Variants in CATSPERB observed in about 807,000 individuals in gnomAD.
The protein encoded by CATSPERB is cation channel sperm-associated auxiliary subunit beta.
A neutral mutation model predicts 128.3 loss-of-function variants in CATSPERB; 93 were observed. The observed-to-expected ratio is 0.72, with a 90% CI of 0.61 to 0.86. CATSPERB has a LOEUF of 0.86. Ranked by LOEUF, CATSPERB falls within the 40% of genes least tolerant of loss-of-function variation. The probability of loss-of-function intolerance (pLI) is 0.00; values close to 1 mark genes in which losing one functional copy is unlikely to be tolerated. For missense variants in CATSPERB, 1,153 were observed against 1,329.5 expected, an observed-to-expected ratio of 0.87 and a Z score of 2.06; for synonymous variants, 381 against 448.8, an observed-to-expected ratio of 0.85 and a Z score of 1.91.
At chr14:91,625,280 T>C (rs1042829959) in intron 17 of CATSPERB, among the ~76,000 whole-genome samples, 2 of 152,150 alleles carry the variant, frequency 1.3e-5, no homozygotes, top group African/African-American at 4.8e-5. Flanking sequence ...ACTGATGGGA[T>C]TGTAAATTAG....
intron 14 of CATSPERB, among the ~76,000 whole-genome samples, chr14:91,664,133 C>T (rs879537707): frequency 2.6e-5 from 4 of 152,096 alleles, no homozygotes; most frequent in Non-Finnish European, 2.9e-5. Flanking sequence ...CTGGCAACCA[C>T]GGATCTTCTT....
chr14:91,648,918 G>T (rs1377294269), intron 15 of CATSPERB, among the ~76,000 whole-genome samples: 1 of 151,150 alleles, frequency 6.6e-6, no homozygotes, highest in East Asian at 1.9e-4. Flanking sequence ...CGCTCACCCA[G>T]ACCACAATAC....
intron 20 of CATSPERB, among the ~76,000 whole-genome samples, chr14:91,614,727 T>G (rs1315917112): frequency 6.6e-6 from 1 of 152,046 alleles, no homozygotes; most frequent in East Asian, 1.9e-4. Context: ...GCACAGGAGG[T>G]CAAGGCTGCA....
At chr14:91,649,326 CAT>C (rs201792998) in intron 15 of CATSPERB, among the ~76,000 whole-genome samples, 10,767 of 76,876 alleles carry the variant, frequency 0.14, 411 homozygotes, top group Middle Eastern at 0.23. Flanking sequence ...TAAATGTATA[CAT>C]ATATGTGTGT....
intron 11 of CATSPERB, among the ~76,000 whole-genome samples, chr14:91,681,156 C>T (rs940050487): frequency 2.6e-5 from 4 of 152,178 alleles, no homozygotes; most frequent in South Asian, 2.1e-4. Flanking sequence ...TCAATTCGTA[C>T]GTTTAGCCAA....
intron 14 of CATSPERB, among the ~76,000 whole-genome samples, chr14:91,661,804 A>C (rs1458490275): frequency 6.6e-6 from 1 of 152,068 alleles, no homozygotes; most frequent in Non-Finnish European, 1.5e-5. Context: ...TATCACAGGC[A>C]TGAGCCACTG....
chr14:91,674,134 C>T, intron 12 of CATSPERB, 42 bp downstream of exon 12: 1 of 1,202,860 alleles, frequency 8.3e-7, no homozygotes, highest in Non-Finnish European at 1.2e-6. Flanking sequence ...TCCCCAATCC[C>T]ACAACAAAAT....
chr14:91,697,967 C>T (rs1197359014), intron 7 of CATSPERB, among the ~76,000 whole-genome samples: 5 of 152,098 alleles, frequency 3.3e-5, no homozygotes, highest in Non-Finnish European at 7.4e-5. Context: ...ATTGCTTGGG[C>T]AGTATGGCCA....
intron 6 of CATSPERB, among the ~76,000 whole-genome samples, chr14:91,707,920 T>C (rs983281719): frequency 6.6e-6 from 1 of 152,086 alleles, no homozygotes; most frequent in Non-Finnish European, 1.5e-5. Context: ...ATTTCCACAT[T>C]TCTATAGCAC....
At chr14:91,614,476 A>C (rs933003274) in intron 20 of CATSPERB, among the ~76,000 whole-genome samples, 2 of 152,224 alleles carry the variant, frequency 1.3e-5, no homozygotes, top group African/African-American at 4.8e-5. Flanking sequence ...CAGCCTGGGC[A>C]ACATGGTAAA....
intron 22 of CATSPERB, among the ~76,000 whole-genome samples, chr14:91,600,589 C>T (rs1215394951): frequency 6.6e-6 from 1 of 152,226 alleles, no homozygotes; most frequent in Non-Finnish European, 1.5e-5. Flanking sequence ...TTTAAAGACA[C>T]TTCAACACAT....
At chr14:91,685,646 A>G (rs1259202885) in intron 10 of CATSPERB, among the ~76,000 whole-genome samples, 2 of 152,200 alleles carry the variant, frequency 1.3e-5, no homozygotes, top group South Asian at 2.1e-4. Context: ...GCACAGGAGG[A>G]GCACCTTGGT....
At chr14:91,710,796 G>A (rs1895826579) in intron 5 of CATSPERB, among the ~76,000 whole-genome samples, 1 of 152,152 alleles carries the variant, frequency 6.6e-6, no homozygotes, top group Non-Finnish European at 1.5e-5. Context: ...AGCCTTTCCT[G>A]TAGCCACTCT....
At chr14:91,647,302 T>C (rs1894622829) in intron 15 of CATSPERB, among the ~76,000 whole-genome samples, 1 of 152,242 alleles carries the variant, frequency 6.6e-6, no homozygotes, top group African/African-American at 2.4e-5. Flanking sequence ...TCAGGGGTTC[T>C]GGTGTATGGT....
intron 15 of CATSPERB, among the ~76,000 whole-genome samples, chr14:91,647,721 G>A (rs564752748): frequency 9.7e-4 from 147 of 152,210 alleles, no homozygotes; most frequent in African/African-American, 3.2e-3. Flanking sequence ...GGAAAGGCCT[G>A]CCCCCATGAT....
chr14:91,729,321 A>C, intron 2 of CATSPERB, 80 bp downstream of exon 2: 1 of 574,154 alleles, frequency 1.7e-6, no homozygotes. Flanking sequence ...TAAAAGAAAA[A>C]TTTTTTACTG....
chr14:91,698,052 T>C (rs1240085938), intron 7 of CATSPERB, among the ~76,000 whole-genome samples: 1 of 152,196 alleles, frequency 6.6e-6, no homozygotes, highest in Non-Finnish European at 1.5e-5. Context: ...TATGATTTAT[T>C]TGAGCAGTGT....
chr14:91,630,954 T>C (rs1894264504), intron 17 of CATSPERB, among the ~76,000 whole-genome samples: 1 of 152,216 alleles, frequency 6.6e-6, no homozygotes, highest in Non-Finnish European at 1.5e-5. Context: ...GCTTTCTTCA[T>C]GTTTATTAAA....
intron 21 of CATSPERB, 40 bp downstream of exon 21, chr14:91,610,440 A>G: frequency 6.4e-7 from 1 of 1,556,412 alleles, no homozygotes; most frequent in Non-Finnish European, 8.8e-7. Context: ...GTCACATAGC[A>G]TTGCTTCTTA....
Sources: gnomAD v4.1 joint callset for allele counts (sites outside exome capture counted in the v4.1 genomes callset) on GRCh38, gnomAD v4.1.1 for gene constraint, MANE v1.5 for transcripts, NCBI Gene and HGNC (gene_info 2026-07-23, HGNC 2026-07-21) for gene names.